Variants in CNTN1 observed in about 807,000 individuals in gnomAD.
The protein encoded by CNTN1 is contactin 1, also known as contactin-1.
A neutral mutation model predicts 126.4 loss-of-function variants in CNTN1; 38 were observed. The observed-to-expected ratio is 0.30, with a 90% CI of 0.23 to 0.39. The LOEUF (loss-of-function observed/expected upper bound fraction) is 0.39. Ranked by LOEUF, CNTN1 falls within the 10% of genes least tolerant of loss-of-function variation. The probability of loss-of-function intolerance (pLI) is 1.00; values close to 1 mark genes in which losing one functional copy is unlikely to be tolerated. For synonymous variants in CNTN1, 413 were observed against 422.6 expected, an observed-to-expected ratio of 0.98 and a Z score of 0.28; for missense variants, 1,009 against 1,248.4, an observed-to-expected ratio of 0.81 and a Z score of 2.89.
rs370984371 is a variant in CNTN1, at chr12:40,707,227, C to CTTTTTTTTTTTTTTTTT, written c.-77+14658_-77+14674dup. ...TTCCTCTTTCATTTCTTTTCTTTTT[C>CTTTTTTTTTTTTTTTTT]TTTTTTTTTTTTTTTTTTTTTTTTT... On this transcript the variant is annotated intron_variant, in intron 1 of 23. Coordinates refer to ENST00000551295, the MANE Select transcript of CNTN1 (RefSeq NM_001843.4). Among the ~76,000 whole-genome samples, 270 of 109,150 alleles carry CTTTTTTTTTTTTTTTTT rather than the reference C, an allele frequency of 2.5e-3. 18 individuals are homozygous for CTTTTTTTTTTTTTTTTT. The highest frequency in any genetic ancestry group is 3.0e-3 in the Non-Finnish European group (169 of 55,726). The allele number at this position is 109,150 out of a possible 152,430, so 71.6% of individuals were successfully genotyped here.
intron 1 of CNTN1, among the ~76,000 whole-genome samples, chr12:40,788,645 C>T (rs1254311705): frequency 6.6e-6 from 1 of 152,070 alleles, no homozygotes; most frequent in Non-Finnish European, 1.5e-5. Flanking sequence ...CCTCTGTGAC[C>T]CAATCTTGAG....
chr12:41,067,078 A>G (rs1363234385), intron 23 of CNTN1, among the ~76,000 whole-genome samples: 1 of 151,912 alleles, frequency 6.6e-6, no homozygotes, highest in Non-Finnish European at 1.5e-5. Flanking sequence ...ATATTGAAAA[A>G]CTCCTCAAGA....
chr12:40,850,646 G>A (rs1431806419), intron 1 of CNTN1, among the ~76,000 whole-genome samples: 1 of 151,888 alleles, frequency 6.6e-6, no homozygotes, highest in Non-Finnish European at 1.5e-5. Context: ...ATTAAAATAT[G>A]AGCTAGTCTT....
chr12:40,702,241 T>A (rs1213646248), intron 1 of CNTN1, among the ~76,000 whole-genome samples: 1 of 152,114 alleles, frequency 6.6e-6, no homozygotes, highest in Non-Finnish European at 1.5e-5. Flanking sequence ...TGGCCCAGAT[T>A]CCTTTTGTTC....
chr12:40,955,053 C>T (rs1012656354), intron 14 of CNTN1, among the ~76,000 whole-genome samples: 2 of 151,960 alleles, frequency 1.3e-5, no homozygotes, highest in Non-Finnish European at 2.9e-5. Context: ...TGTGGCATGA[C>T]CAGGCCCTTC....
chr12:41,060,211 C>T (rs1290591980), intron 23 of CNTN1, among the ~76,000 whole-genome samples: 2 of 152,072 alleles, frequency 1.3e-5, no homozygotes, highest in Admixed American at 6.6e-5. Context: ...AGCAATAGAA[C>T]GAGCAATTTT....
intron 15 of CNTN1, chr12:40,979,036 G>A (rs948936695): frequency 1.3e-5 from 2 of 152,114 alleles, no homozygotes; most frequent in African/African-American, 4.8e-5. Context: ...TTCTGATCAA[G>A]AATGTACACT....
intron 23 of CNTN1, among the ~76,000 whole-genome samples, chr12:41,057,469 G>A (rs1949851669): frequency 6.6e-6 from 1 of 151,816 alleles, no homozygotes; most frequent in Non-Finnish European, 1.5e-5. Flanking sequence ...TTAGCTCGGT[G>A]AAATATTTTT....
intron 1 of CNTN1, among the ~76,000 whole-genome samples, chr12:40,817,233 T>C (rs1941285884): frequency 6.6e-6 from 1 of 152,186 alleles, no homozygotes; most frequent in South Asian, 2.1e-4. Context: ...ATCTGCCTAA[T>C]GCTGACAGTG....
chr12:40,951,188 T>A (rs1183597470), intron 14 of CNTN1, among the ~76,000 whole-genome samples: 1 of 152,136 alleles, frequency 6.6e-6, no homozygotes, highest in Non-Finnish European at 1.5e-5. Flanking sequence ...GAAAATGGTC[T>A]TTTGAGTTTT....
chr12:40,949,205 TTTTTG>T (rs1424281164), intron 14 of CNTN1, among the ~76,000 whole-genome samples: 1 of 88,296 alleles, frequency 1.1e-5, no homozygotes, highest in Non-Finnish European at 2.4e-5. Context: ...TTTGTTTTTT[TTTTTG>T]TTTTTTTACA....
At chr12:40,780,586 A>G (rs763738864) in intron 1 of CNTN1, among the ~76,000 whole-genome samples, 1 of 151,712 alleles carries the variant, frequency 6.6e-6, no homozygotes, top group Non-Finnish European at 1.5e-5. Flanking sequence ...GTGTGAGAAT[A>G]AAATGTCAAA....
At chr12:40,734,017 A>C (rs1942560353) in intron 1 of CNTN1, among the ~76,000 whole-genome samples, 1 of 152,084 alleles carries the variant, frequency 6.6e-6, no homozygotes, top group Admixed American at 6.6e-5. Context: ...TAAACTGTAA[A>C]AAGTAAGTGT....
At chr12:40,951,185 G>C (rs1946664409) in intron 14 of CNTN1, among the ~76,000 whole-genome samples, 1 of 151,966 alleles carries the variant, frequency 6.6e-6, no homozygotes, top group Non-Finnish European at 1.5e-5. Flanking sequence ...AAAGAAAATG[G>C]TCTTTTGAGT....
rs770410640 is a variant in CNTN1, at chr12:40,918,784, G to T, written c.227+13G>T. 6.2e-7 allele frequency: 1 copy of T among 1,613,128 alleles called. No individual in the cohort carries two copies. The highest frequency in any genetic ancestry group is 2.2e-5 in the East Asian group (1 of 44,858). ...TCCCGGTTTACAAGTAATGTACCTC[G>T]CTTCTCTTTTCAGAGTGGAGTGTCA... On this transcript the variant is annotated intron_variant, in intron 4 of 23. Transcript: ENST00000551295.
At chr12:40,864,495 C>T (rs1943233945) in intron 1 of CNTN1, among the ~76,000 whole-genome samples, 1 of 152,096 alleles carries the variant, frequency 6.6e-6, no homozygotes, top group Non-Finnish European at 1.5e-5. Flanking sequence ...CTGCCCCCAT[C>T]CCCTCCTCTT....
intron 11 of CNTN1, 139 bp from the exon 12 acceptor site, chr12:40,939,196 A>G (rs934066813): frequency 2.3e-6 from 2 of 864,788 alleles, no homozygotes; most frequent in Non-Finnish European, 3.6e-6. Flanking sequence ...TAGAATGCCT[A>G]TTGGTGACAG....
intron 1 of CNTN1, among the ~76,000 whole-genome samples, chr12:40,819,942 G>A (rs2136524885): frequency 6.6e-6 from 1 of 152,248 alleles, no homozygotes; most frequent in African/African-American, 2.4e-5. Context: ...TCTCAGGTTG[G>A]CTGCCGCACC....
At position 40,698,228 on chromosome 12, in the gene CNTN1, A is replaced by ATTTTTTTTTTTTTTTT. The variant is rs35570862; in HGVS notation, c.-77+5649_-77+5664dup. On this transcript the variant is annotated intron_variant, in intron 1 of 23. Transcript: ENST00000551295. ...AGCGTGCTTTGAGGCCAGCCACTTA[A>ATTTTTTTTTTTTTTTT]TTTTTTTTTTTTTTTTTTTTTTTTT... 3.0e-4 allele frequency among the ~76,000 whole-genome samples: 21 copies of ATTTTTTTTTTTTTTTT among 69,866 alleles called. 1 individual carries two copies. The highest frequency in any genetic ancestry group is 1.1e-3 in the African/African-American group (19 of 17,228). The allele number at this position is 69,866 out of a possible 152,430, so 45.8% of individuals were successfully genotyped here.
Sources: allele counts gnomAD v4.1 joint callset (sites outside exome capture counted in the v4.1 genomes callset), GRCh38; gene constraint gnomAD v4.1.1; transcripts MANE v1.5; gene names NCBI Gene and HGNC (gene_info 2026-07-23, HGNC 2026-07-21).